TTN: variants seen among roughly 807,000 people sequenced by gnomAD.
TTN encodes connectin.
TTN carries 1,525 observed loss-of-function variants against 3,223.0 expected under a neutral mutation model. That is an observed-to-expected ratio of 0.47 (90% CI 0.45 to 0.49). The LOEUF is 0.49. Among genes scored for constraint, TTN ranks in the 20% least tolerant of loss-of-function variants. The pLI is 0.00. For synonymous variants in TTN, 14,094 were observed against 15,161.0 expected, an observed-to-expected ratio of 0.93 and a Z score of 5.17; for missense variants, 40,786 against 43,424.0, an observed-to-expected ratio of 0.94 and a Z score of 5.40.
Position 178,617,918 on chromosome 2 carries a change from C to T in TTN, c.47433G>A (p.Val15811=). 1 of 1,612,732 alleles carries T rather than the reference C, an allele frequency of 6.2e-7. No individual in the cohort carries two copies. Among genetic ancestry groups the T allele is most frequent in the Non-Finnish European group, 8.5e-7 (1 of 1,179,118 alleles). The part of the protein sequence containing the change: ...TSIRWDTAMT[V]RAEDLSATVT... ...CAGTTGCAGACAGGTCTTCAGCTCT[C>T]ACAGTCATGGCAGTATCCCACCTGA... The change falls in exon 253 of 363, where the codon GTG becomes GTA. Residue 15811 remains valine (V), a synonymous_variant. Transcript: ENST00000589042.
Position 178,568,363 on chromosome 2 carries a change from G to T in TTN, c.77769C>A (p.Ile25923=). The change falls in exon 326 of 363, where the codon ATC becomes ATA. Residue 25923 remains isoleucine, a synonymous_variant. Coordinates refer to ENST00000589042, the MANE Select transcript of TTN (RefSeq NM_001267550.2). ...CTCTTTTCTGAACAATGTAGTTGGTGATTTGGCAGCCCCCTGTATATAATG... is the reference window on the plus strand; with the variant it reads ...CTCTTTTCTGAACAATGTAGTTGGTTATTTGGCAGCCCCCTGTATATAATG... ...NPPLYTGGCQ[I]TNYIVQKRDT... is the part of the protein sequence containing the mutation. 6.2e-7 allele frequency: 1 copy of T among 1,613,294 alleles called. No individual in the cohort carries two copies. The highest frequency in any genetic ancestry group is 8.5e-7 in the Non-Finnish European group (1 of 1,179,556).
intron 47 of TTN, chr2:178,747,050 T>C (rs149552484): frequency 6.2e-7 from 1 of 1,613,320 alleles, no homozygotes; most frequent in Non-Finnish European, 8.5e-7. Flanking sequence ...AGGAATAGAA[T>C]ATCTCTCTAG....
Position 178,597,976 on chromosome 2 carries a change from GCTCTAA to G in TTN, c.57188_57193del (p.Val19063_Arg19064del), listed in dbSNP as rs2032645411. On this transcript the variant is annotated inframe_deletion, in exon 293 of 363. Transcript: ENST00000589042. ...TTCTCCAATGCCAGCAATGTTGACT[GCTCTAA>G]CTCTAAATTTGTAGAATGCTCCTTC... 2 of 1,613,244 alleles carry G rather than the reference GCTCTAA, an allele frequency of 1.2e-6. No individual in the cohort carries two copies. Among genetic ancestry groups the G allele is most frequent in the Non-Finnish European group, 1.7e-6 (2 of 1,179,582 alleles).
intron 60 of TTN, 40 bp downstream of exon 60, chr2:178,730,885 T>C (rs1174278181): frequency 6.5e-7 from 1 of 1,540,444 alleles, no homozygotes; most frequent in Non-Finnish European, 8.7e-7. Flanking sequence ...AGAAGGAGCA[T>C]GGAAATGCCC....
At chr2:178,659,542 C>G (rs2064354931) in intron 180 of TTN, among the ~76,000 whole-genome samples, 1 of 150,038 alleles carries the variant, frequency 6.7e-6, no homozygotes, top group African/African-American at 2.4e-5. Flanking sequence ...TGGGACGTAT[C>G]TCAAAATAAT....
intron 226 of TTN, 99 bp downstream of exon 226, chr2:178,635,864 A>G: frequency 1.3e-6 from 2 of 1,519,048 alleles, no homozygotes; most frequent in Non-Finnish European, 1.8e-6. Context: ...CCTCTTAGGT[A>G]CAAGATTTCT....
chr2:178,782,225 T>A lies in TTN; in HGVS notation c.3367A>T (p.Thr1123Ser). 2 of 1,614,124 alleles carry A rather than the reference T, an allele frequency of 1.2e-6. No homozygotes were observed. Among genetic ancestry groups the A allele is most frequent in the Admixed American group, 3.3e-5 (2 of 60,022 alleles). Residue 1123 changes from threonine to serine, a missense_variant, in exon 20 of 363, where the codon ACC becomes TCC. Coordinates refer to ENST00000589042, the MANE Select transcript of TTN (RefSeq NM_001267550.2). The part of the protein sequence containing the change: ...VYWKKSGVPL[T>S]TGYRYKVSYN... ...CCATCAAAATACCTGTATCCAGTGG[T>A]TAGAGGAACACCAGATTTTTTCCAG...
chr2:178,745,752 C>A, intron 47 of TTN: 6 of 1,612,854 alleles, frequency 3.7e-6, no homozygotes, highest in Non-Finnish European at 5.1e-6. Context: ...AATTTTCCAT[C>A]TTTGTACCAG....
In TTN at chr2:178,597,746, G is replaced by T. The variant is rs1353810362; in HGVS notation, c.57336C>A (p.Ile19112=). ...GAGGCTTTCCAGACACATAGGCAATGATTCGGATCACCCCTCCAGCATGGA... is the reference window on the plus strand; with the variant it reads ...GAGGCTTTCCAGACACATAGGCAATTATTCGGATCACCCCTCCAGCATGGA... ...IVVHAGGVIR[I]IAYVSGKPPP... Residue 19112 remains isoleucine (I), a synonymous_variant, in exon 294 of 363, where the codon ATC becomes ATA. Coordinates refer to ENST00000589042, the MANE Select transcript of TTN (RefSeq NM_001267550.2). The T allele has an allele frequency of 1.2e-6, 2 of 1,613,138 alleles. No individual in the cohort carries two copies. The highest frequency in any genetic ancestry group is 2.7e-5 in the African/African-American group (2 of 74,890).
At chr2:178,767,604 G>A (rs1390511621) in intron 40 of TTN, among the ~76,000 whole-genome samples, 155 bp downstream of exon 40, 1 of 152,120 alleles carries the variant, frequency 6.6e-6, no homozygotes, top group East Asian at 1.9e-4. Context: ...ACTAAATTGA[G>A]GTCAGCATAA....
rs2052509018 is a variant in TTN, at chr2:178,598,804, G to A, written c.56906C>T (p.Ala18969Val). The change falls in exon 291 of 363, where the codon GCT (alanine) becomes GTT (valine). Residue 18969 changes from alanine (A) to valine (V), a missense_variant. Coordinates refer to ENST00000589042, the MANE Select transcript of TTN (RefSeq NM_001267550.2). ...YQFRVYAINA[A>V]GVGPASLPSD... is the part of the protein sequence containing the mutation. The stretch of plus-strand genomic sequence containing the variant: ...TGGCAGACTTGCTGGACCCACGCCA[G>A]CAGCATTGATTGCATATACCCGGAA... 6.2e-7 allele frequency: 1 copy of A among 1,613,284 alleles called. No homozygotes were observed. The highest frequency in any genetic ancestry group is 8.5e-7 in the Non-Finnish European group (1 of 1,179,540).
At chr2:178,579,905 C>G in intron 318 of TTN, 34 bp downstream of exon 318, 2 of 1,612,454 alleles carry the variant, frequency 1.2e-6, no homozygotes, top group Non-Finnish European at 1.7e-6. Context: ...AAGGATATAA[C>G]TCAAAATGAT....
Position 178,731,557 on chromosome 2 carries a change from C to T in TTN, c.17209G>A (p.Glu5737Lys), listed in dbSNP as rs575592774. The T allele has an allele frequency of 8.1e-6, 13 of 1,608,106 alleles. No homozygotes were observed. Among genetic ancestry groups the T allele is most frequent in the African/African-American group, 6.7e-5 (5 of 74,732 alleles). Residue 5737 changes from glutamate to lysine, a missense_variant, in exon 59 of 363, where the codon GAG (glutamate) becomes AAG (lysine). Glu to Lys is a moderately conservative substitution (Grantham distance 56). Coordinates refer to ENST00000589042, the MANE Select transcript of TTN (RefSeq NM_001267550.2). ...REPPSFIKKI[E>K]STSSLRGGTA... is the part of the protein sequence containing the mutation. ...CCTCCCCGGAGGGAGCTGGTACTCT[C>T]GATCTTCTTTATGAAGGATGGGGGT...
chr2:178,702,766 T>A (rs1336157499), intron 106 of TTN, 103 bp from the exon 107 acceptor site: 2 of 1,215,774 alleles, frequency 1.6e-6, no homozygotes, highest in Non-Finnish European at 2.2e-6. Flanking sequence ...TGTACCCAGT[T>A]ATAAAATAGC....
intron 295 of TTN, 99 bp from the exon 296 acceptor site, chr2:178,594,745 C>T: frequency 5.0e-6 from 5 of 991,354 alleles, no homozygotes; most frequent in Non-Finnish European, 7.3e-6. Context: ...TGCATTTAAA[C>T]ATTAAACTCT....
rs572865539 is a variant in TTN, at chr2:178,644,663, A to C, written c.40409-47T>G. On this transcript the variant is annotated intron_variant, in intron 217 of 362. Transcript: ENST00000589042. ...TTTTGTTATTTGTATATTTAATCTG[A>C]AGCAAGTGATTAACTTTCTACTCCA... 69 of 1,385,644 alleles carry C rather than the reference A, an allele frequency of 5.0e-5. 1 individual carries two copies. In the South Asian group the frequency reaches 9.5e-4, roughly 19 times the overall value. 85.8% of individuals were successfully genotyped at this position (1,385,644 alleles called of 1,614,324 possible).
chr2:178,565,977 CAT>C lies in TTN; in HGVS notation c.80153_80154del (p.Tyr26718CysfsTer3). ...IIDGGAKVKN[Y>X]VIDKRESTRK... The stretch of plus-strand genomic sequence containing the variant: ...CTGGTTGACTCACGTTTGTCAATCA[CAT>C]AGTTCTTGACCTTTGCCCCTCCATC... On this transcript the variant is annotated frameshift_variant, in exon 326 of 363. Coordinates refer to ENST00000589042, the MANE Select transcript of TTN (RefSeq NM_001267550.2). LOFTEE classifies it high-confidence loss of function. 6.2e-7 allele frequency: 1 copy of C among 1,613,646 alleles called. No homozygotes were observed. The highest frequency in any genetic ancestry group is 8.5e-7 in the Non-Finnish European group (1 of 1,179,664).
chr2:178,554,950 G>A lies in TTN; in HGVS notation c.88509C>T (p.Ala29503=), dbSNP rs776811363. ...TDLASILIKD[A]DRLNSGCYEL... is the part of the protein sequence containing the mutation. ...CATAGCATCCACTATTAAGGCGATC[G>A]GCATCTTTGATGAGTATAGATGCGA... The change falls in exon 331 of 363, where the codon GCC becomes GCT. Residue 29503 remains alanine, a synonymous_variant. Coordinates refer to ENST00000589042, the MANE Select transcript of TTN (RefSeq NM_001267550.2). 81 of 1,613,542 alleles carry A rather than the reference G, an allele frequency of 5.0e-5. 1 individual carries two copies. In the East Asian group the frequency reaches 1.7e-3, roughly 35 times the overall value.
At chr2:178,677,334 T>TTATATATATATATATA (rs1560296043) in intron 146 of TTN, 47 bp from the exon 147 acceptor site, 1 of 341,566 alleles carries the variant, frequency 2.9e-6, no homozygotes, top group African/African-American at 7.6e-5. Context: ...ATATACATGG[T>TTATATATATATATATA]CATATATATA....
Sources: allele counts gnomAD v4.1 joint callset (sites outside exome capture counted in the v4.1 genomes callset), GRCh38; gene constraint gnomAD v4.1.1; transcripts MANE v1.5; gene names NCBI Gene and HGNC (gene_info 2026-07-23, HGNC 2026-07-21).